The following ADAP1 variants were observed in gnomAD, a reference collection of about 807,000 sequenced individuals.
ADAP1 encodes the protein arf-GAP with dual PH domain-containing protein 1.
Under a neutral mutation model 54.9 loss-of-function variants are expected in ADAP1, and 31 were observed. That is an observed-to-expected ratio of 0.56 (90% CI 0.42 to 0.76). ADAP1 has a LOEUF of 0.76. Among genes scored for constraint, ADAP1 ranks in the 30% least tolerant of loss-of-function variants. The pLI, the probability that ADAP1 is intolerant of heterozygous loss-of-function variation, is 0.00. For synonymous variants in ADAP1, 313 were observed against 202.6 expected (o/e 1.55, Z -4.63); for missense variants, 535 against 512.4 (o/e 1.04, Z -0.42).
chr7:947,164 T>C (rs1847161359), intron 1 of ADAP1, among the ~76,000 whole-genome samples: 1 of 150,584 alleles, frequency 6.6e-6, no homozygotes, highest in Non-Finnish European at 1.5e-5. Flanking sequence ...CTCAGCTTCC[T>C]GAGTAGCTGG....
At chr7:919,345 G>A (rs1392613736) in intron 4 of ADAP1, among the ~76,000 whole-genome samples, 2 of 152,136 alleles carry the variant, frequency 1.3e-5, no homozygotes, top group African/African-American at 4.8e-5. Context: ...GCAGAGGAGG[G>A]GCCAGCCACG....
chr7:906,704 GGGGACGGGACATCGGGGAC>G (rs1562915318), intron 4 of ADAP1, among the ~76,000 whole-genome samples: 20 of 35,754 alleles, frequency 5.6e-4, no homozygotes, highest in East Asian at 5.2e-3. Context: ...CATGGACATG[GGGGACGGGACATCGGGGAC>G]GGGACATGGG....
intron 3 of ADAP1, among the ~76,000 whole-genome samples, chr7:922,544 C>T (rs561105684): frequency 1.3e-5 from 2 of 152,264 alleles, no homozygotes; most frequent in Admixed American, 1.3e-4. Flanking sequence ...GCCACTGTGA[C>T]CCCCATAGCG....
chr7:905,469 GA>G (rs1163218630), intron 4 of ADAP1: 7 of 120,268 alleles, frequency 5.8e-5, no homozygotes, highest in South Asian at 1.3e-4. Context: ...AAGGAGAAAG[GA>G]GAAAGGGAAA....
chr7:948,756 GC>G (rs1847201552), intron 1 of ADAP1, among the ~76,000 whole-genome samples: 1 of 152,124 alleles, frequency 6.6e-6, no homozygotes, highest in Non-Finnish European at 1.5e-5. Flanking sequence ...GAGTGCAGTG[GC>G]ATGATCTCGG....
chr7:940,426 A>T (rs1015441062), intron 1 of ADAP1, among the ~76,000 whole-genome samples: 1 of 152,098 alleles, frequency 6.6e-6, no homozygotes, highest in Non-Finnish European at 1.5e-5. Flanking sequence ...AGCCAGTTAA[A>T]TCAAGTGTGT....
At chr7:954,196 C>T (rs1343445262) in intron 1 of ADAP1, among the ~76,000 whole-genome samples, 200 bp downstream of exon 1, 6 of 151,758 alleles carry the variant, frequency 4.0e-5, no homozygotes, top group Non-Finnish European at 8.8e-5. Context: ...TGCGCCCGGC[C>T]CGGGAAGACG....
At chr7:928,855 C>T (rs757688681) in intron 2 of ADAP1, among the ~76,000 whole-genome samples, 1 of 152,244 alleles carries the variant, frequency 6.6e-6, no homozygotes, top group Non-Finnish European at 1.5e-5. Flanking sequence ...CCGTAAGAGA[C>T]GCGAAGACGC....
chr7:904,408 G>C (rs191647186), intron 5 of ADAP1, 136 bp from the exon 6 acceptor site: 2 of 1,146,554 alleles, frequency 1.7e-6, no homozygotes, highest in Non-Finnish European at 2.4e-6. Context: ...TAAGCGCTCT[G>C]AGCCTTGGCC....
At position 935,362 on chromosome 7, in the gene ADAP1, T is replaced by C. The variant is rs767144319; in HGVS notation, c.213+13A>G. On this transcript the variant is annotated intron_variant, in intron 2 of 10. Transcript: ENST00000265846. ...GGGACTGCGCGGGTCCCCCCGCCCC[T>C]CCCCCTCCGTACCTCCACTTGGGCC... 4 of 1,271,462 alleles carry C rather than the reference T, an allele frequency of 3.1e-6. No individual in the cohort carries two copies. The highest frequency in any genetic ancestry group is 3.3e-6 in the Non-Finnish European group (3 of 917,430). The allele number at this position is 1,271,462 out of a possible 1,614,324, so 78.8% of individuals were successfully genotyped here. A position where few individuals can be genotyped will look rare whatever the true frequency, so the allele number is the denominator to read the frequency against.
intron 4 of ADAP1, among the ~76,000 whole-genome samples, chr7:915,797 T>C (rs532379236): frequency 6.6e-6 from 1 of 152,050 alleles, no homozygotes; most frequent in East Asian, 1.9e-4. Context: ...CATATACCCC[T>C]GCAGAACCTA....
intron 4 of ADAP1, among the ~76,000 whole-genome samples, chr7:906,806 G>GACATGGGTGACAC (rs1554272532): frequency 1.1e-4 from 5 of 44,398 alleles, no homozygotes; most frequent in Admixed American, 7.1e-4. Flanking sequence ...CAGGGGACAT[G>GACATGGGTGACAC]GGGGGACATG....
intron 6 of ADAP1, chr7:901,113 C>G (rs1385902168): frequency 1.1e-5 from 5 of 451,678 alleles, no homozygotes; most frequent in South Asian, 6.4e-5. Context: ...GGGCAGAGAG[C>G]AAAACTGCTC....
chr7:915,526 C>A (rs1845898604), intron 4 of ADAP1, among the ~76,000 whole-genome samples: 1 of 152,228 alleles, frequency 6.6e-6, no homozygotes, highest in Non-Finnish European at 1.5e-5. Context: ...TGCGAGCAAG[C>A]GTGTGCCTGA....
At chr7:904,812 C>T (rs557869439) in intron 5 of ADAP1, among the ~76,000 whole-genome samples, 2 of 152,242 alleles carry the variant, frequency 1.3e-5, no homozygotes, top group Non-Finnish European at 2.9e-5. Flanking sequence ...CACGGCTGGG[C>T]CTGAGTTCAG....
intron 2 of ADAP1, among the ~76,000 whole-genome samples, chr7:931,259 A>G (rs1846568650): frequency 6.6e-6 from 1 of 152,196 alleles, no homozygotes; most frequent in Non-Finnish European, 1.5e-5. Flanking sequence ...CCCTTCTGTG[A>G]CTGTCCTTGG....
chr7:917,384 G>A (rs1029788010), intron 4 of ADAP1, among the ~76,000 whole-genome samples: 1 of 152,244 alleles, frequency 6.6e-6, no homozygotes, highest in African/African-American at 2.4e-5. Flanking sequence ...GGCTGGGAGG[G>A]GTTGGAGCAC....
At chr7:951,700 A>G (rs890274728) in intron 1 of ADAP1, among the ~76,000 whole-genome samples, 1 of 152,202 alleles carries the variant, frequency 6.6e-6, no homozygotes, top group Non-Finnish European at 1.5e-5. Flanking sequence ...GTGCCACTGC[A>G]CTCCAGCCTG....
intron 1 of ADAP1, among the ~76,000 whole-genome samples, chr7:948,511 G>A: frequency 6.6e-6 from 1 of 152,060 alleles, no homozygotes; most frequent in Non-Finnish European, 1.5e-5. Context: ...GGTCTTAGCA[G>A]AACTTCTCCA....
Sources: allele counts gnomAD v4.1 joint callset (sites outside exome capture counted in the v4.1 genomes callset), GRCh38; gene constraint gnomAD v4.1.1; transcripts MANE v1.5; gene names NCBI Gene and HGNC (gene_info 2026-07-23, HGNC 2026-07-21).